The following ZNF726 variants were observed in gnomAD, a reference collection of about 807,000 sequenced individuals.
ZNF726 encodes zinc finger protein 92 pseudogene 3.
ZNF726 carries 15 observed loss-of-function variants against 11.6 expected under a neutral mutation model. The observed-to-expected ratio is 1.29, with a 90% CI of 0.86 to 1.99. The LOEUF (loss-of-function observed/expected upper bound fraction) is 1.99. Ranked by LOEUF, ZNF726 falls within the 30% of genes most tolerant of loss-of-function variation. The probability of loss-of-function intolerance (pLI) is 0.00; values close to 1 mark genes in which losing one functional copy is unlikely to be tolerated. For synonymous variants in ZNF726, 295 were observed against 243.6 expected (o/e 1.21, Z -1.96); for missense variants, 890 against 725.6 (o/e 1.23, Z -2.60).
intron 4 of ZNF726, chr19:23,943,613 A>G: frequency 1.7e-6 from 1 of 596,130 alleles, no homozygotes; most frequent in Non-Finnish European, 3.1e-6. Flanking sequence ...AATGAAGCCG[A>G]TAACACAGAT....
At chr19:23,940,257 A>G (rs1365761304) in intron 3 of ZNF726, among the ~76,000 whole-genome samples, 1 of 152,116 alleles carries the variant, frequency 6.6e-6, no homozygotes, top group Non-Finnish European at 1.5e-5. Flanking sequence ...TCCCAGCACC[A>G]TTTGTTGAAA....
At chr19:23,937,821 C>T (rs778538184), downstream of ZNF726, among the ~76,000 whole-genome samples, 16 of 152,278 alleles carry the variant, frequency 1.1e-4, no homozygotes, top group Middle Eastern at 6.8e-3. Context: ...TGTAGCAAGC[C>T]GAGATCACGC....
chr19:23,923,954 A>G (rs759345099), intron 3 of ZNF726: 1 of 152,264 alleles, frequency 6.6e-6, no homozygotes. Flanking sequence ...AGCCATGTCT[A>G]TCACAGTCAA....
chr19:23,936,715 T>G (rs1422592971), downstream of ZNF726, among the ~76,000 whole-genome samples: 1 of 151,840 alleles, frequency 6.6e-6, no homozygotes, highest in African/African-American at 2.4e-5. Context: ...AAACTTTTTT[T>G]TTTTCATGGC....
chr19:23,929,560 C>T (rs995732107), intron 3 of ZNF726, among the ~76,000 whole-genome samples: 1 of 152,168 alleles, frequency 6.6e-6, no homozygotes, highest in Admixed American at 6.5e-5. Context: ...GATTCAATTA[C>T]CTTCCACCAC....
Position 23,914,897 on chromosome 19 carries a change from CG to C in ZNF726, c.-96del. On this transcript the variant is annotated 5_prime_UTR_variant, in exon 1 of 4. Transcript: ENST00000594466. ...TTGGCGGGGCCTTTGTCTCTATCTG[CG>C]GCCGGAGCTCCAGGTCTCGTCCTCA... 1 of 1,554,978 alleles carries C rather than the reference CG, an allele frequency of 6.4e-7. No individual in the cohort carries two copies. Among genetic ancestry groups the C allele is most frequent in the South Asian group, 1.1e-5 (1 of 87,516 alleles).
chr19:23,929,864 A>G (rs539541982), intron 3 of ZNF726, among the ~76,000 whole-genome samples: 12 of 152,258 alleles, frequency 7.9e-5, no homozygotes, highest in Middle Eastern at 3.4e-3. Flanking sequence ...AATAGTAAAA[A>G]TTTCTATATT....
At chr19:23,923,235 A>C (rs886798486) in intron 3 of ZNF726, among the ~76,000 whole-genome samples, 8 of 152,052 alleles carry the variant, frequency 5.3e-5, no homozygotes, top group Non-Finnish European at 1.0e-4. Context: ...TTTGCTTCTA[A>C]ACTTGGATTA....
intron 3 of ZNF726, among the ~76,000 whole-genome samples, chr19:23,931,956 A>G (rs1270628720): frequency 1.3e-5 from 2 of 152,216 alleles, no homozygotes; most frequent in Admixed American, 6.5e-5. Context: ...GCCAGAAATG[A>G]TAATGAATGT....
chr19:23,942,805 G>A (rs922759620), intron 3 of ZNF726, among the ~76,000 whole-genome samples: 3 of 152,108 alleles, frequency 2.0e-5, no homozygotes, highest in Non-Finnish European at 1.5e-5. Flanking sequence ...GTGTCCATTT[G>A]CATGAAATGC....
Position 23,933,349 on chromosome 19 carries a change from T to G in ZNF726, c.1233T>G (p.Asn411Lys). The G allele has an allele frequency of 6.2e-7, 1 of 1,608,606 alleles. No homozygotes were observed. Among genetic ancestry groups the G allele is most frequent in the Non-Finnish European group, 8.5e-7 (1 of 1,178,720 alleles). ...GCAAAGCTTTTCATCGATCCTCAAATCTTACTAAACATAAGATAATTCATA... is the reference window on the plus strand; with the variant it reads ...GCAAAGCTTTTCATCGATCCTCAAAGCTTACTAAACATAAGATAATTCATA... The part of the protein sequence containing the change: ...ECGKAFHRSS[N>K]LTKHKIIHTG... The change falls in exon 4 of 4, where the codon AAT becomes AAG. Residue 411 changes from asparagine to lysine, a missense_variant. Transcript: ENST00000594466.
intron 3 of ZNF726, among the ~76,000 whole-genome samples, chr19:23,926,753 C>T (rs1017664174): frequency 1.3e-5 from 2 of 151,868 alleles, no homozygotes; most frequent in African/African-American, 4.8e-5. Flanking sequence ...ATTATTTGGC[C>T]TTACACAGAA....
downstream of ZNF726, among the ~76,000 whole-genome samples, chr19:23,936,914 C>A (rs936191403): frequency 1.3e-5 from 2 of 152,112 alleles, no homozygotes; most frequent in Admixed American, 1.3e-4. Context: ...ACCTGTCCCC[C>A]CTTTCTATTC....
rs145298232 is a variant in ZNF726 at position 23,931,032 on chromosome 19, G to A, written c.227-1311G>A. 8.3e-4 allele frequency among the ~76,000 whole-genome samples: 127 copies of A among 152,176 alleles called. 1 individual carries two copies. The highest frequency in any genetic ancestry group is 2.5e-3 in the African/African-American group (105 of 41,530). Reference sequence around the variant, plus strand: ...GTCACCCTCACTGGAGTGCAGTGGCGTGATCTCAGCTCACTGCAACCTCCA... The same window carrying A: ...GTCACCCTCACTGGAGTGCAGTGGCATGATCTCAGCTCACTGCAACCTCCA... On this transcript the variant is annotated intron_variant, in intron 3 of 3. Transcript: ENST00000594466.
chr19:23,939,663 C>A (rs765376752), intron 3 of ZNF726, among the ~76,000 whole-genome samples: 1 of 152,132 alleles, frequency 6.6e-6, no homozygotes. Flanking sequence ...GTTCCCTGAT[C>A]ACTGCATCCA....
chr19:23,937,565 C>T (rs1174586671), downstream of ZNF726, among the ~76,000 whole-genome samples: 1 of 151,238 alleles, frequency 6.6e-6, no homozygotes, highest in Non-Finnish European at 1.5e-5. Context: ...GGCAGAGACG[C>T]TCCTCACTTC....
At chr19:23,920,215 A>T (rs866146910) in intron 3 of ZNF726, 133 bp downstream of exon 3, 8 of 516,472 alleles carry the variant, frequency 1.5e-5, no homozygotes, top group South Asian at 1.3e-4. Context: ...TTTAAAAAAA[A>T]ATATACTCTC....
chr19:23,921,377 T>C (rs556615020), intron 3 of ZNF726: 1 of 152,550 alleles, frequency 6.6e-6, no homozygotes, highest in Non-Finnish European at 1.5e-5. Context: ...CTTTGGCTAT[T>C]CAAAATTTAT....
chr19:23,923,174 C>G (rs1967895269), intron 3 of ZNF726, among the ~76,000 whole-genome samples: 1 of 152,018 alleles, frequency 6.6e-6, no homozygotes, highest in Non-Finnish European at 1.5e-5. Context: ...ATATGAGGCT[C>G]TAACCATATT....
Sources: gnomAD v4.1 joint callset for allele counts (sites outside exome capture counted in the v4.1 genomes callset) on GRCh38, gnomAD v4.1.1 for gene constraint, MANE v1.5 for transcripts, NCBI Gene and HGNC (gene_info 2026-07-23, HGNC 2026-07-21) for gene names.